PDE4D: variants seen among roughly 807,000 people sequenced by gnomAD.
PDE4D encodes phosphodiesterase 4D.
In PDE4D, 24 loss-of-function variants were observed where a neutral mutation model predicts 87.4. The ratio of observed to expected loss-of-function variants is 0.27; its 90% CI spans 0.20 to 0.39. The LOEUF is 0.39. Ranked by LOEUF, PDE4D falls within the 10% of genes least tolerant of loss-of-function variation. PDE4D has a pLI of 1.00. For synonymous variants in PDE4D, 384 were observed against 383.2 expected (o/e 1.00, Z -0.02); for missense variants, 714 against 1,041.0 (o/e 0.69, Z 4.32).
intron 2 of PDE4D, among the ~76,000 whole-genome samples, chr5:60,165,935 T>C (rs1782851094): frequency 6.6e-6 from 1 of 152,044 alleles, no homozygotes; most frequent in Admixed American, 6.5e-5. Context: ...CTAGTTGTTT[T>C]GTAGAGTCTT....
At chr5:60,258,260 T>C in intron 1 of PDE4D, among the ~76,000 whole-genome samples, 1 of 151,938 alleles carries the variant, frequency 6.6e-6, no homozygotes, top group East Asian at 1.9e-4. Context: ...GGAAATAGCA[T>C]GTTTTATGGA....
chr5:59,895,459 C>T (rs1017716196), upstream of PDE4D, among the ~76,000 whole-genome samples: 2 of 152,314 alleles, frequency 1.3e-5, no homozygotes, highest in East Asian at 3.9e-4. Context: ...CACCACTCTC[C>T]ACTGTGTAGG....
At chr5:59,335,899 C>T (rs1025611541) in intron 1 of PDE4D, among the ~76,000 whole-genome samples, 1 of 152,128 alleles carries the variant, frequency 6.6e-6, no homozygotes, top group South Asian at 2.1e-4. Context: ...TGGAAATTTT[C>T]CCATCTTTGT....
chr5:60,449,812 G>A (rs1027230489), intron 1 of PDE4D, among the ~76,000 whole-genome samples: 5 of 143,918 alleles, frequency 3.5e-5, no homozygotes, highest in South Asian at 2.2e-4. Context: ...GGATGGCTGC[G>A]TCAAATGGTA....
intron 1 of PDE4D, among the ~76,000 whole-genome samples, chr5:59,656,022 A>G (rs953505723): frequency 1.3e-5 from 2 of 152,126 alleles, no homozygotes; most frequent in African/African-American, 4.8e-5. Flanking sequence ...TACACACACA[A>G]TACTCAAGTC....
intron 1 of PDE4D, among the ~76,000 whole-genome samples, chr5:60,338,419 G>A (rs879356561): frequency 1.2e-4 from 19 of 152,174 alleles, no homozygotes; most frequent in Non-Finnish European, 2.6e-4. Context: ...GCCAATGGGC[G>A]CCACCACTGA....
chr5:59,925,364 C>T (rs943079179), intron 3 of PDE4D, among the ~76,000 whole-genome samples: 5 of 151,792 alleles, frequency 3.3e-5, no homozygotes, highest in African/African-American at 1.2e-4. Context: ...AAAAAACATA[C>T]AACTGATACA....
intron 3 of PDE4D, among the ~76,000 whole-genome samples, chr5:59,971,974 A>C (rs1349566786): frequency 2.0e-5 from 3 of 152,208 alleles, no homozygotes; most frequent in Non-Finnish European, 4.4e-5. Flanking sequence ...GATAATAAGC[A>C]GCTGGGAGGC....
chr5:59,180,461 G>T lies in PDE4D; in HGVS notation c.808+134C>A, dbSNP rs75116564. ...AATTTGTGAGATCAATGATAGAAAT[G>T]ATAATGTAGAGAAGAAAGAATTTCT... On this transcript the variant is annotated intron_variant, in intron 5 of 14. Transcript: ENST00000340635. 5.5e-3 allele frequency: 4,216 copies of T among 766,848 alleles called. 124 individuals carry two copies. The African/African-American group carries it at 0.063, about 11-fold the overall frequency. 47.5% of individuals were successfully genotyped at this position (766,848 alleles called of 1,614,324 possible).
intron 1 of PDE4D, among the ~76,000 whole-genome samples, chr5:60,517,739 C>T (rs1011455709): frequency 3.9e-5 from 6 of 152,196 alleles, no homozygotes; most frequent in South Asian, 2.1e-4. Context: ...GCTGTACCGT[C>T]GCTCAATAAA....
At chr5:59,699,949 T>C (rs1176334576) in intron 1 of PDE4D, among the ~76,000 whole-genome samples, 2 of 152,178 alleles carry the variant, frequency 1.3e-5, no homozygotes, top group Non-Finnish European at 2.9e-5. Context: ...ACAGGAATGA[T>C]AGACTATTGA....
intron 5 of PDE4D, among the ~76,000 whole-genome samples, chr5:59,149,923 G>A (rs542287652): frequency 6.6e-6 from 1 of 152,096 alleles, no homozygotes; most frequent in East Asian, 1.9e-4. Flanking sequence ...GATTCAGGGT[G>A]TTTAAAATGC....
At chr5:59,360,695 A>G (rs948253706) in intron 1 of PDE4D, among the ~76,000 whole-genome samples, 15 of 152,218 alleles carry the variant, frequency 9.9e-5, no homozygotes, top group African/African-American at 3.4e-4. Flanking sequence ...TTGCTTTCAA[A>G]TATTCATTCT....
At chr5:60,493,856 GTGGTT>G (rs1749668267) in intron 1 of PDE4D, among the ~76,000 whole-genome samples, 1 of 151,980 alleles carries the variant, frequency 6.6e-6, no homozygotes, top group Non-Finnish European at 1.5e-5. Context: ...TCCATGAAAG[GTGGTT>G]ACACCCTCCT....
chr5:60,040,583 T>A (rs1262872139), intron 2 of PDE4D, among the ~76,000 whole-genome samples: 2 of 152,228 alleles, frequency 1.3e-5, no homozygotes, highest in African/African-American at 4.8e-5. Context: ...GGAAATTATT[T>A]CCATGTTCTT....
intron 1 of PDE4D, among the ~76,000 whole-genome samples, chr5:59,435,534 T>C (rs1401846454): frequency 2.0e-5 from 3 of 152,166 alleles, no homozygotes; most frequent in African/African-American, 7.2e-5. Context: ...AAAAACATTC[T>C]TCATTCCTCA....
chr5:60,475,485 G>T (rs1188137057), intron 1 of PDE4D, among the ~76,000 whole-genome samples: 1 of 152,084 alleles, frequency 6.6e-6, no homozygotes, highest in African/African-American at 2.4e-5. Flanking sequence ...GGGGACACAG[G>T]AAGTCATCCT....
intron 1 of PDE4D, among the ~76,000 whole-genome samples, chr5:59,300,148 G>C (rs1470704946): frequency 6.9e-6 from 1 of 144,910 alleles, no homozygotes; most frequent in Non-Finnish European, 1.5e-5. Context: ...GGCTTACAGT[G>C]TCACGTGAAT....
intron 3 of PDE4D, among the ~76,000 whole-genome samples, chr5:59,930,010 T>C (rs17373841): frequency 0.36 from 55,074 of 151,784 alleles, 11,769 homozygotes; most frequent in East Asian, 0.74. Flanking sequence ...AGGTACCTGT[T>C]AGTGGATTAA....
Sources: allele counts gnomAD v4.1 joint callset (sites outside exome capture counted in the v4.1 genomes callset), GRCh38; gene constraint gnomAD v4.1.1; transcripts MANE v1.5; gene names NCBI Gene and HGNC (gene_info 2026-07-23, HGNC 2026-07-21).